PCNT: variants seen among roughly 807,000 people sequenced by gnomAD.
The protein encoded by PCNT is pericentrin.
PCNT carries 319 observed loss-of-function variants against 380.4 expected under a neutral mutation model. The ratio of observed to expected loss-of-function variants is 0.84; its 90% confidence interval spans 0.77 to 0.92. The LOEUF is 0.92. Among genes scored for constraint, PCNT ranks in the 40% least tolerant of loss-of-function variants. The pLI, the probability that PCNT is intolerant of heterozygous loss-of-function variation, is 0.00. For missense variants in PCNT, 4,400 were observed against 4,255.3 expected (o/e 1.03, Z -0.95); for synonymous variants, 1,845 against 1,735.2 (o/e 1.06, Z -1.57).
Position 46,355,509 on chromosome 21 carries a change from G to A in PCNT, c.1819G>A (p.Ala607Thr), listed in dbSNP as rs2084439871. The A allele has an allele frequency of 6.2e-7, 1 of 1,614,096 alleles. No homozygotes were observed. The highest frequency in any genetic ancestry group is 8.5e-7 in the Non-Finnish European group (1 of 1,180,022). The change falls in exon 12 of 47, where the codon GCG becomes ACG. Residue 607 changes from alanine to threonine, a missense_variant. Physicochemically the swap from Ala to Thr is moderately conservative, Grantham distance 58 (BLOSUM62 0). Coordinates refer to ENST00000359568, the MANE Select transcript of PCNT (RefSeq NM_006031.6). ...AGAAAGCCACAGGCACCAGCTGGAAGCGCTGGAGTCTCCCCTCTGCATCCA... is the reference window on the plus strand; with the variant it reads ...AGAAAGCCACAGGCACCAGCTGGAAACGCTGGAGTCTCCCCTCTGCATCCA... Reference protein sequence around the residue: ...LEESHRHQLEALESPLCIQHE... With the variant: ...LEESHRHQLETLESPLCIQHE...
intron 32 of PCNT, 142 bp downstream of exon 32, chr21:46,422,266 T>A: frequency 9.0e-7 from 1 of 1,106,872 alleles, no homozygotes; most frequent in Non-Finnish European, 1.3e-6. Context: ...TTTTAATGAC[T>A]CACGGGAGGC....
chr21:46,352,689 A>G (rs1488076987), intron 9 of PCNT, among the ~76,000 whole-genome samples: 1 of 152,208 alleles, frequency 6.6e-6, no homozygotes, highest in Non-Finnish European at 1.5e-5. Flanking sequence ...AGAAAGTCCA[A>G]GATGGTACAG....
At position 46,436,976 on chromosome 21, in the gene PCNT, C is replaced by T. The variant is rs979945940; in HGVS notation, c.8997-3C>T. 7 of 1,609,520 alleles carry T rather than the reference C, an allele frequency of 4.3e-6. No individual in the cohort carries two copies. Among genetic ancestry groups the T allele is most frequent in the Non-Finnish European group, 6.0e-6 (7 of 1,175,908 alleles). ...AACTTTGAGTGCCCATTTATTTTTA[C>T]AGGACAGTTAATGATTGGACGTCAT... On this transcript the variant is annotated splice_polypyrimidine_tract_variant and splice_region_variant and intron_variant, in intron 39 of 46. Coordinates refer to ENST00000359568, the MANE Select transcript of PCNT (RefSeq NM_006031.6).
At chr21:46,357,268 T>A in intron 13 of PCNT, 77 bp downstream of exon 13, 2 of 1,044,142 alleles carry the variant, frequency 1.9e-6, no homozygotes, top group Non-Finnish European at 3.0e-6. Flanking sequence ...TGTGTCCTTG[T>A]GTATGGAGGG....
At chr21:46,400,884 G>A (rs1323440957) in intron 25 of PCNT, among the ~76,000 whole-genome samples, 1 of 152,182 alleles carries the variant, frequency 6.6e-6, no homozygotes, top group East Asian at 1.9e-4. Context: ...CTCAGGCCCT[G>A]ACGTGTTTCC....
In PCNT at chr21:46,411,694, A is replaced by G. The variant is rs752328874; in HGVS notation, c.5621A>G (p.Asn1874Ser). Residue 1874 changes from asparagine to serine, a missense_variant, in exon 28 of 47, where the codon AAT becomes AGT. Coordinates refer to ENST00000359568, the MANE Select transcript of PCNT (RefSeq NM_006031.6). ...AAGGAAGCGACGATTGCCGAGAGAA[A>G]TTTAGAAATCGACGCTCTGAACCAG... ...KAKEATIAER[N>S]LEIDALNQRK... The G allele has an allele frequency of 3.7e-6, 6 of 1,612,872 alleles. No individual in the cohort carries two copies. Among genetic ancestry groups the G allele is most frequent in the Non-Finnish European group, 5.1e-6 (6 of 1,179,838 alleles).
chr21:46,423,759 A>ACTGCT (rs2087361335), intron 32 of PCNT, among the ~76,000 whole-genome samples: 1 of 74,514 alleles, frequency 1.3e-5, no homozygotes, highest in African/African-American at 5.1e-5. Flanking sequence ...AGGAGGAGGA[A>ACTGCT]GAGAAGGGAG....
At chr21:46,415,581 C>G (rs1569276137) in intron 29 of PCNT, among the ~76,000 whole-genome samples, 1 of 151,864 alleles carries the variant, frequency 6.6e-6, no homozygotes, top group Non-Finnish European at 1.5e-5. Flanking sequence ...GACAGGGTTT[C>G]ACCATTTTGG....
chr21:46,373,126 T>C (rs1474421984), intron 15 of PCNT, among the ~76,000 whole-genome samples: 5 of 152,104 alleles, frequency 3.3e-5, no homozygotes. Context: ...CCTCAAGTGG[T>C]CCTCCTGCCT....
chr21:46,443,949 G>T lies in PCNT; in HGVS notation c.9839+1G>T. On this transcript the variant is annotated splice_donor_variant, in intron 45 of 46. Coordinates refer to ENST00000359568, the MANE Select transcript of PCNT (RefSeq NM_006031.6). LOFTEE classifies it high-confidence loss of function. Reference sequence around the variant, plus strand: ...CAGCCTCCCCACACAGTGGGGGAAGGTCAGTGTGATGCCTTCAGGCCCCGT... The same window carrying T: ...CAGCCTCCCCACACAGTGGGGGAAGTTCAGTGTGATGCCTTCAGGCCCCGT... The T allele has an allele frequency of 6.2e-7, 1 of 1,611,978 alleles. No individual in the cohort carries two copies. Among genetic ancestry groups the T allele is most frequent in the Non-Finnish European group, 8.5e-7 (1 of 1,179,782 alleles).
At chr21:46,412,726 C>T in intron 28 of PCNT, 111 bp from the exon 29 acceptor site, 4 of 1,144,428 alleles carry the variant, frequency 3.5e-6, no homozygotes, top group Non-Finnish European at 5.2e-6. Context: ...TGCCACCTCC[C>T]TCTGGCATCC....
intron 4 of PCNT, 70 bp downstream of exon 4, chr21:46,346,278 C>T (rs565902180): frequency 5.0e-5 from 27 of 544,644 alleles, no homozygotes; most frequent in African/African-American, 3.8e-4. Context: ...AGTGGGCATC[C>T]GGGTGGGGGT....
At chr21:46,368,170 C>G (rs922940300) in intron 15 of PCNT, among the ~76,000 whole-genome samples, 1 of 151,420 alleles carries the variant, frequency 6.6e-6, no homozygotes, top group Non-Finnish European at 1.5e-5. Flanking sequence ...AAAAAAAAAA[C>G]AAAAATAGCT....
intron 26 of PCNT, 144 bp downstream of exon 26, chr21:46,401,865 T>C: frequency 1.2e-6 from 1 of 841,330 alleles, no homozygotes; most frequent in South Asian, 1.7e-5. Flanking sequence ...TTTGTTGTTG[T>C]TTGAGACAGA....
chr21:46,326,516 G>A lies in PCNT; in HGVS notation c.194G>A (p.Gly65Glu). 6.2e-7 allele frequency: 1 copy of A among 1,614,206 alleles called. No individual in the cohort carries two copies. Among genetic ancestry groups the A allele is most frequent in the South Asian group, 1.1e-5 (1 of 91,088 alleles). Residue 65 changes from glycine (G) to glutamate (E), a missense_variant, in exon 2 of 47, where the codon GGA becomes GAA. By Grantham distance (98) the Gly-to-Glu change is moderately conservative. Transcript: ENST00000359568. ...ACCAAGGAGGACAGCGCACTCTGTGGAGGAGGGGACATTTGCAAAAGCACA... is the reference window on the plus strand; with the variant it reads ...ACCAAGGAGGACAGCGCACTCTGTGAAGGAGGGGACATTTGCAAAAGCACA... ...PVTKEDSALC[G>E]GGDICKSTSC...
chr21:46,426,662 G>T (rs1213838881), intron 33 of PCNT, among the ~76,000 whole-genome samples: 2 of 152,092 alleles, frequency 1.3e-5, no homozygotes, highest in African/African-American at 4.8e-5. Flanking sequence ...CACACCCCAA[G>T]CCCCAGCAAC....
At chr21:46,346,621 G>A (rs2084077347) in intron 4 of PCNT, 122 bp from the exon 5 acceptor site, 4 of 1,264,968 alleles carry the variant, frequency 3.2e-6, no homozygotes, top group East Asian at 2.5e-5. Context: ...CTGCTTCCAC[G>A]GGATGTCTGC....
At chr21:46,442,873 A>G (rs919226128) in intron 44 of PCNT, 8 of 435,570 alleles carry the variant, frequency 1.8e-5, no homozygotes, top group Non-Finnish European at 3.0e-5. Flanking sequence ...TATTCCTTAA[A>G]TCAACTGAAA....
chr21:46,417,222 C>G (rs535210389), intron 30 of PCNT, among the ~76,000 whole-genome samples: 2 of 110,774 alleles, frequency 1.8e-5, no homozygotes, highest in Non-Finnish European at 3.3e-5. Context: ...GAGATGGAGT[C>G]TCGCTCTGTC....
Sources: gnomAD v4.1 joint callset for allele counts (sites outside exome capture counted in the v4.1 genomes callset) on GRCh38, gnomAD v4.1.1 for gene constraint, MANE v1.5 for transcripts, NCBI Gene and HGNC (gene_info 2026-07-23, HGNC 2026-07-21) for gene names.